Variants in KIAA1328 observed in about 807,000 individuals in gnomAD.
KIAA1328 encodes the protein KIAA1328.
In KIAA1328, 52 loss-of-function variants were observed where a neutral mutation model predicts 68.1. That is an observed-to-expected ratio of 0.76 (90% CI 0.61 to 0.96). The LOEUF is 0.96. Among genes scored for constraint, KIAA1328 ranks in the 40% least tolerant of loss-of-function variants. KIAA1328 has a pLI of 0.00. For missense variants in KIAA1328, 641 were observed against 677.6 expected (o/e 0.95, Z 0.60); for synonymous variants, 232 against 239.4 (o/e 0.97, Z 0.28).
Position 36,925,244 on chromosome 18 carries a change from CAG to C in KIAA1328, c.449-34062_449-34061del, listed in dbSNP as rs2050069276. Among the ~76,000 whole-genome samples, 8 of 151,996 alleles carry C rather than the reference CAG, an allele frequency of 5.3e-5. No individual in the cohort carries two copies. The South Asian group carries it at 1.7e-3, about 32-fold the overall frequency. ...TGGGAGGGAGGATTTTAGGTAAAAA[CAG>C]AAGATAATAAAGATATATAATGGCA... is the stretch of plus-strand genomic sequence containing the variant. On this transcript the variant is annotated intron_variant, in intron 5 of 9. Transcript: ENST00000280020.
chr18:37,081,249 C>T (rs191538504), intron 7 of KIAA1328, among the ~76,000 whole-genome samples: 55 of 152,078 alleles, frequency 3.6e-4, no homozygotes, highest in Non-Finnish European at 5.3e-4. Context: ...CCCAAAGTGC[C>T]GGGATTACAG....
At chr18:36,937,784 G>A (rs946437186) in intron 5 of KIAA1328, among the ~76,000 whole-genome samples, 34 of 151,282 alleles carry the variant, frequency 2.2e-4, no homozygotes, top group African/African-American at 7.3e-4. Flanking sequence ...ACCCCTTCAC[G>A]GCCTCTGATA....
At chr18:37,093,820 C>A (rs563701001) in intron 7 of KIAA1328, among the ~76,000 whole-genome samples, 1 of 152,262 alleles carries the variant, frequency 6.6e-6, no homozygotes, top group South Asian at 2.1e-4. Context: ...AGATTCAACC[C>A]AAAATGGTTT....
chr18:37,066,863 G>A (rs1599138892), intron 6 of KIAA1328, 27 bp from the exon 7 acceptor site: 1 of 1,521,046 alleles, frequency 6.6e-7, no homozygotes, highest in Non-Finnish European at 8.8e-7. Flanking sequence ...GTTCTTATTT[G>A]ACAGGTGATC....
intron 7 of KIAA1328, among the ~76,000 whole-genome samples, chr18:37,096,921 G>A (rs1484939218): frequency 3.9e-5 from 6 of 152,114 alleles, no homozygotes; most frequent in African/African-American, 7.2e-5. Context: ...TGTTGGGGCC[G>A]TTTGTTTTTT....
chr18:37,168,759 G>A (rs2059438533), intron 8 of KIAA1328, among the ~76,000 whole-genome samples: 1 of 152,190 alleles, frequency 6.6e-6, no homozygotes, highest in Non-Finnish European at 1.5e-5. Context: ...GACTGGGGAT[G>A]GATATTGGTA....
intron 8 of KIAA1328, among the ~76,000 whole-genome samples, chr18:37,165,995 G>C (rs1411956927): frequency 6.6e-6 from 1 of 150,510 alleles, no homozygotes; most frequent in African/African-American, 2.4e-5. Context: ...TTCTCAGAAG[G>C]TAGTTTAATG....
chr18:36,932,762 T>A (rs1188061324), intron 5 of KIAA1328, among the ~76,000 whole-genome samples: 4 of 152,232 alleles, frequency 2.6e-5, no homozygotes, highest in African/African-American at 9.6e-5. Flanking sequence ...AGTAGATCTG[T>A]CACTGCTTGG....
At chr18:37,107,865 G>A (rs1173642437) in intron 7 of KIAA1328, among the ~76,000 whole-genome samples, 3 of 118,676 alleles carry the variant, frequency 2.5e-5, no homozygotes, top group South Asian at 2.3e-4. Context: ...TTATTAAAAG[G>A]TTAAAAAAAA....
At chr18:37,186,152 A>G (rs1185027155) in intron 9 of KIAA1328, among the ~76,000 whole-genome samples, 1 of 119,408 alleles carries the variant, frequency 8.4e-6, no homozygotes, top group Non-Finnish European at 1.6e-5. Flanking sequence ...CCCAGGCTGG[A>G]GTGCAGTGGC....
chr18:36,834,440 G>A (rs1166676474), intron 2 of KIAA1328, 85 bp downstream of exon 2: 32 of 1,210,418 alleles, frequency 2.6e-5, no homozygotes, highest in Middle Eastern at 2.0e-4. Flanking sequence ...ACAATGTTGC[G>A]GGTATAAATA....
intron 5 of KIAA1328, among the ~76,000 whole-genome samples, chr18:36,949,115 CT>C (rs1404969261): frequency 6.6e-6 from 1 of 152,048 alleles, no homozygotes; most frequent in Admixed American, 6.6e-5. Context: ...ATGATGGCAG[CT>C]TTTTTTCTTC....
intron 9 of KIAA1328, among the ~76,000 whole-genome samples, chr18:37,179,880 A>C (rs1568502173): frequency 1.3e-5 from 2 of 152,074 alleles, no homozygotes; most frequent in Non-Finnish European, 2.9e-5. Context: ...TTATAAACCA[A>C]GGCTTTAGCC....
intron 8 of KIAA1328, among the ~76,000 whole-genome samples, chr18:37,161,829 C>G (rs142131863): frequency 6.6e-6 from 1 of 152,174 alleles, no homozygotes. Context: ...AGCAAAAGAA[C>G]AAATAACTTG....
At chr18:36,854,763 T>C (rs2047328160) in intron 4 of KIAA1328, among the ~76,000 whole-genome samples, 1 of 152,170 alleles carries the variant, frequency 6.6e-6, no homozygotes, top group African/African-American at 2.4e-5. Context: ...TTTATCTAGT[T>C]TGAGAACATT....
In KIAA1328 at chr18:37,117,798, A is replaced by T. The variant is rs1250546095; in HGVS notation, c.1233-42402A>T. Among the ~76,000 whole-genome samples the T allele has an allele frequency of 4.6e-5, 7 of 152,110 alleles. No homozygotes were observed. The East Asian group carries it at 1.4e-3, about 29-fold the overall frequency. On this transcript the variant is annotated intron_variant, in intron 7 of 9. Transcript: ENST00000280020. ...GATATCCTGTAAGTAAAATGCTCAG[A>T]TATAAAGTTAACTTTTAATGCATCT...
chr18:37,186,446 A>G (rs1012877654), intron 9 of KIAA1328, among the ~76,000 whole-genome samples: 2 of 151,406 alleles, frequency 1.3e-5, no homozygotes, highest in Non-Finnish European at 2.9e-5. Context: ...GTGCGCCTGT[A>G]GCCCCAGCTA....
intron 7 of KIAA1328, among the ~76,000 whole-genome samples, chr18:37,092,911 C>A (rs1331637309): frequency 6.6e-6 from 1 of 152,204 alleles, no homozygotes; most frequent in Non-Finnish European, 1.5e-5. Flanking sequence ...ACCTGCCACT[C>A]TCAGTGCCTG....
chr18:37,054,717 T>A (rs1202689989), intron 6 of KIAA1328, among the ~76,000 whole-genome samples: 1 of 152,152 alleles, frequency 6.6e-6, no homozygotes, highest in African/African-American at 2.4e-5. Flanking sequence ...GGGTAGTACA[T>A]CCACTATTTG....
Sources: gnomAD v4.1 joint callset for allele counts (sites outside exome capture counted in the v4.1 genomes callset) on GRCh38, gnomAD v4.1.1 for gene constraint, MANE v1.5 for transcripts, NCBI Gene and HGNC (gene_info 2026-07-23, HGNC 2026-07-21) for gene names.